NFASC: variants seen among roughly 807,000 people sequenced by gnomAD.
NFASC encodes neurofascin.
In NFASC, 43 loss-of-function variants were observed where a neutral mutation model predicts 147.5. The ratio of observed to expected loss-of-function variants is 0.29; its 90% CI spans 0.23 to 0.38. NFASC has a LOEUF of 0.38. NFASC is among the 10% of genes least tolerant of loss of function. The pLI, the probability that NFASC is intolerant of heterozygous loss-of-function variation, is 1.00. For missense variants in NFASC, 1,320 were observed against 1,689.0 expected, an observed-to-expected ratio of 0.78 and a Z score of 3.83; for synonymous variants, 622 against 665.5, an observed-to-expected ratio of 0.93 and a Z score of 1.01.
intron 1 of NFASC, among the ~76,000 whole-genome samples, chr1:204,878,180 G>A (rs1260040759): frequency 6.6e-6 from 1 of 152,160 alleles, no homozygotes; most frequent in Non-Finnish European, 1.5e-5. Flanking sequence ...CTGGTTCAAG[G>A]TGTCAGCACA....
chr1:204,981,355 C>T (rs778307318), intron 20 of NFASC, among the ~76,000 whole-genome samples: 1 of 152,250 alleles, frequency 6.6e-6, no homozygotes. Flanking sequence ...CACACAAATT[C>T]GGTAGAACTA....
intron 1 of NFASC, among the ~76,000 whole-genome samples, chr1:204,873,362 TACA>T (rs1277319621): frequency 3.1e-4 from 47 of 152,298 alleles, no homozygotes; most frequent in African/African-American, 1.1e-3. Flanking sequence ...CAGCTCTGGG[TACA>T]CCAAGTACCT....
chr1:204,995,172 C>T (rs2095820033), intron 24 of NFASC, among the ~76,000 whole-genome samples: 1 of 152,144 alleles, frequency 6.6e-6, no homozygotes, highest in Admixed American at 6.5e-5. Context: ...AAAATAATTG[C>T]TCCAGGTCTG....
rs142355148 is a variant in NFASC, at chr1:204,853,528, C to T, written c.-200+24746C>T. 1.4e-3 allele frequency among the ~76,000 whole-genome samples: 214 copies of T among 152,256 alleles called. 1 individual carries two copies. Among genetic ancestry groups the T allele is most frequent in the Non-Finnish European group, 1.4e-3 (92 of 68,034 alleles). On this transcript the variant is annotated intron_variant, in intron 1 of 29. Transcript: ENST00000339876. ...TGTAGTACTTTGAGGTGTAGTTAAGCGGAAGCCAACTGAAGCATAGGGTTT... is the reference window on the plus strand; with the variant it reads ...TGTAGTACTTTGAGGTGTAGTTAAGTGGAAGCCAACTGAAGCATAGGGTTT...
chr1:204,955,954 T>C (rs1004910885), intron 7 of NFASC, among the ~76,000 whole-genome samples: 1 of 152,178 alleles, frequency 6.6e-6, no homozygotes, highest in African/African-American at 2.4e-5. Flanking sequence ...AATCACTGTC[T>C]CTCTCTTCCC....
chr1:204,960,577 G>A (rs556926018), intron 8 of NFASC, among the ~76,000 whole-genome samples: 16 of 152,208 alleles, frequency 1.1e-4, no homozygotes, highest in Non-Finnish European at 2.1e-4. Flanking sequence ...AAACCACGAG[G>A]TCAGTTCTGG....
intron 1 of NFASC, among the ~76,000 whole-genome samples, chr1:204,864,145 T>C (rs892708211): frequency 6.6e-6 from 1 of 152,242 alleles, no homozygotes; most frequent in East Asian, 1.9e-4. Flanking sequence ...CTTTTGTGTC[T>C]GGTTTATTTC....
intron 27 of NFASC, among the ~76,000 whole-genome samples, chr1:205,003,568 C>G (rs186204335): frequency 6.6e-6 from 1 of 151,944 alleles, no homozygotes; most frequent in Non-Finnish European, 1.5e-5. Context: ...GCCAAGTGGC[C>G]GGTATGCTAA....
At chr1:204,874,426 T>C (rs997078070) in intron 1 of NFASC, among the ~76,000 whole-genome samples, 4 of 152,242 alleles carry the variant, frequency 2.6e-5, no homozygotes, top group African/African-American at 9.6e-5. Flanking sequence ...TGACTTCCTG[T>C]TCTTCCTCAC....
At chr1:204,953,000 T>A (rs61817574) in intron 5 of NFASC, among the ~76,000 whole-genome samples, 5,659 of 152,096 alleles carry the variant, frequency 0.037, 281 homozygotes, top group African/African-American at 0.11. Context: ...GCCGTGGGAG[T>A]CACCCTGAAG....
chr1:205,016,186 CGGGGGCT>C lies in NFASC; in HGVS notation c.3492-119_3492-113del. The C allele has an allele frequency of 1.4e-6, 1 of 715,972 alleles. No individual in the cohort carries two copies. The highest frequency in any genetic ancestry group is 2.5e-6 in the Non-Finnish European group (1 of 401,136). The allele number at this position is 715,972 out of a possible 1,614,324, so 44.4% of individuals were successfully genotyped here. A position where few individuals can be genotyped will look rare whatever the true frequency, so the allele number is the denominator to read the frequency against. Reference sequence around the variant, plus strand: ...GCAGGCTGGACAGGGGAGGGTGAAGCGGGGGCTGGACTGGGCGGTCTCCTGGATCCCA... The same window carrying C: ...GCAGGCTGGACAGGGGAGGGTGAAGCGGACTGGGCGGTCTCCTGGATCCCA... On this transcript the variant is annotated intron_variant, in intron 29 of 29. Transcript: ENST00000339876. This position sits in a 1 kb window ranked among gnomAD's most constrained non-coding sequence, Gnocchi z 5.1.
intron 1 of NFASC, among the ~76,000 whole-genome samples, chr1:204,870,182 G>A (rs1419604194): frequency 3.9e-5 from 6 of 152,216 alleles, no homozygotes; most frequent in Non-Finnish European, 8.8e-5. Flanking sequence ...AGGGACTGGA[G>A]ATATTTAGCC....
intron 1 of NFASC, among the ~76,000 whole-genome samples, chr1:204,850,202 A>G (rs2075553511): frequency 6.6e-6 from 1 of 152,220 alleles, no homozygotes; most frequent in Non-Finnish European, 1.5e-5. Flanking sequence ...GTGATGGTGA[A>G]CAGAACTCCT....
chr1:204,976,589 A>AC (rs2095409783), intron 15 of NFASC, 82 bp from the exon 16 acceptor site: 1 of 1,044,904 alleles, frequency 9.6e-7, no homozygotes, highest in Non-Finnish European at 1.4e-6. Context: ...TGACTCGAGA[A>AC]CCCCCTCTAG....
At chr1:204,934,572 C>A (rs2092672232) in intron 2 of NFASC, among the ~76,000 whole-genome samples, 1 of 152,210 alleles carries the variant, frequency 6.6e-6, no homozygotes, top group Non-Finnish European at 1.5e-5. Flanking sequence ...TCCGGGTTAT[C>A]CTCAGATTTC....
intron 25 of NFASC, 167 bp downstream of exon 25, chr1:204,997,573 C>A (rs1482520823): frequency 2.6e-6 from 2 of 768,278 alleles, no homozygotes; most frequent in Middle Eastern, 2.3e-4. Context: ...GATGCTCAGT[C>A]CCGTAGCCTG....
Position 204,957,832 on chromosome 1 carries a change from T to C in NFASC, c.706+6T>C. On this transcript the variant is annotated splice_donor_region_variant and intron_variant, in intron 8 of 29. Coordinates refer to ENST00000339876, the MANE Select transcript of NFASC (RefSeq NM_001005388.3). ...CACCCTCAAGGTCCTCACCAGTAAG[T>C]GAAGGCCCCTGTCCCGGGGCTGGGG... is the stretch of plus-strand genomic sequence containing the variant. 1 of 1,613,952 alleles carries C rather than the reference T, an allele frequency of 6.2e-7. No individual in the cohort carries two copies. The highest frequency in any genetic ancestry group is 8.5e-7 in the Non-Finnish European group (1 of 1,179,918).
At chr1:204,938,337 G>A (rs1478775277) in intron 2 of NFASC, among the ~76,000 whole-genome samples, 1 of 152,188 alleles carries the variant, frequency 6.6e-6, no homozygotes, top group African/African-American at 2.4e-5. Context: ...TCATCCCTTT[G>A]AGCTCAAACC....
At chr1:204,866,333 T>C (rs1398274675) in intron 1 of NFASC, among the ~76,000 whole-genome samples, 1 of 152,196 alleles carries the variant, frequency 6.6e-6, no homozygotes, top group Non-Finnish European at 1.5e-5. Context: ...AAATGGTAAC[T>C]GGATGCCGTC....
Sources: allele counts gnomAD v4.1 joint callset (sites outside exome capture counted in the v4.1 genomes callset), GRCh38; gene constraint gnomAD v4.1.1; non-coding constraint Gnocchi (gnomAD v3.1); transcripts MANE v1.5; gene names NCBI Gene and HGNC (gene_info 2026-07-23, HGNC 2026-07-21).